Variants in ASAH1 observed in about 807,000 individuals in gnomAD.
ASAH1 encodes the protein N-acylsphingosine amidohydrolase 1.
In ASAH1, 70 loss-of-function variants were observed where a neutral mutation model predicts 59.5. That is an observed-to-expected ratio of 1.18 (90% CI 0.97 to 1.43). ASAH1 has a LOEUF of 1.43. Among genes scored for constraint, ASAH1 ranks in the 40% most tolerant of loss-of-function variants. ASAH1 has a pLI of 0.00. For synonymous variants in ASAH1, 213 were observed against 166.5 expected (o/e 1.28, Z -2.15); for missense variants, 660 against 482.5 (o/e 1.37, Z -3.45).
chr8:18,074,175 G>A (rs1800293671), intron 2 of ASAH1, among the ~76,000 whole-genome samples: 1 of 152,174 alleles, frequency 6.6e-6, no homozygotes, highest in African/African-American at 2.4e-5. Flanking sequence ...GGGGCAGTGA[G>A]ACCAACAGAG....
chr8:18,064,611 T>C, intron 5 of ASAH1, 80 bp from the exon 6 acceptor site: 1 of 840,902 alleles, frequency 1.2e-6, no homozygotes, highest in Non-Finnish European at 1.9e-6. Context: ...AAAGTTTCAG[T>C]GTTTTCATTG....
intron 5 of ASAH1, chr8:18,064,894 C>T: frequency 5.5e-6 from 1 of 180,884 alleles, no homozygotes; most frequent in South Asian, 1.4e-4. Context: ...ATATATTTTG[C>T]CCAGATTTTT....
At position 18,061,259 on chromosome 8, in the gene ASAH1, C is replaced by T. The variant is rs10503609; in HGVS notation, c.785+118G>A. On this transcript the variant is annotated intron_variant, in intron 10 of 13. Coordinates refer to ENST00000637790, the MANE Select transcript of ASAH1 (RefSeq NM_177924.5). ...TTCCACATGAGTGTCAGAGGTTCAC[C>T]TAAGAAATTCTGCAATAGTTCCTCA... The T allele has an allele frequency of 0.36, 316,410 of 880,940 alleles. 59,549 individuals carry two copies. The highest frequency in any genetic ancestry group is 0.5 in the Admixed American group (22,697 of 44,966). 54.6% of individuals were successfully genotyped at this position (880,940 alleles called of 1,614,324 possible). A position where few individuals can be genotyped will look rare whatever the true frequency, so the allele number is the denominator to read the frequency against.
rs878918679 is a variant in ASAH1, at chr8:18,057,363, A to G, written c.*171T>C. On this transcript the variant is annotated 3_prime_UTR_variant, in exon 14 of 14. Coordinates refer to ENST00000637790, the MANE Select transcript of ASAH1 (RefSeq NM_177924.5). Reference sequence around the variant, plus strand: ...ATAAGAAAAATCAACTGATAGGGGGAAAAAAAAAAGATCTGTCATTTGTCA... The same window carrying G: ...ATAAGAAAAATCAACTGATAGGGGGGAAAAAAAAAGATCTGTCATTTGTCA... The G allele has an allele frequency of 1.7e-5, 5 of 294,492 alleles. No homozygotes were observed. The highest frequency in any genetic ancestry group is 1.0e-4 in the South Asian group (3 of 29,214). 18.2% of individuals were successfully genotyped at this position (294,492 alleles called of 1,614,324 possible). A position where few individuals can be genotyped will look rare whatever the true frequency, so the allele number is the denominator to read the frequency against.
intron 4 of ASAH1, 147 bp from the exon 5 acceptor site, chr8:18,067,445 G>C (rs1381963118): frequency 8.0e-6 from 3 of 377,130 alleles, no homozygotes; most frequent in East Asian, 5.9e-5. Flanking sequence ...CATAATAAGT[G>C]ATAGGAATTA....
intron 4 of ASAH1, among the ~76,000 whole-genome samples, chr8:18,069,067 G>A (rs921737511): frequency 6.6e-6 from 1 of 150,942 alleles, no homozygotes; most frequent in African/African-American, 2.4e-5. Flanking sequence ...CTTGAGCCTG[G>A]GAGATCAAGG....
At chr8:18,064,342 C>T in intron 6 of ASAH1, 115 bp downstream of exon 6, 1 of 819,782 alleles carries the variant, frequency 1.2e-6, no homozygotes, top group Non-Finnish European at 2.0e-6. Flanking sequence ...AAGCTGTATG[C>T]AACATACACA....
At chr8:18,081,649 G>T (rs1239652968) in intron 1 of ASAH1, among the ~76,000 whole-genome samples, 2 of 152,174 alleles carry the variant, frequency 1.3e-5, no homozygotes, top group African/African-American at 2.4e-5. Flanking sequence ...ATTGTGAAAA[G>T]CCTCAAAAAC....
chr8:18,081,092 C>T (rs927381595), intron 1 of ASAH1, among the ~76,000 whole-genome samples: 1 of 152,112 alleles, frequency 6.6e-6, no homozygotes, highest in African/African-American at 2.4e-5. Context: ...ATTTAACATA[C>T]ACCCCAAATG....
In ASAH1 at chr8:18,059,111, T is replaced by C. The variant is rs147494924; in HGVS notation, c.1042-220A>G. 20 of 716,636 alleles carry C rather than the reference T, an allele frequency of 2.8e-5. No individual in the cohort carries two copies. In the East Asian group the frequency reaches 5.1e-4, roughly 18 times the overall value. The allele number at this position is 716,636 out of a possible 1,614,324, so 44.4% of individuals were successfully genotyped here. On this transcript the variant is annotated intron_variant, in intron 12 of 13. Transcript: ENST00000637790. ...CCCCTTTTTTAAATTCTTGCCTGTT[T>C]GTTATTCAACTTCAGAGTGGTATCC...
upstream of ASAH1, chr8:18,084,497 G>A: frequency 7.5e-7 from 1 of 1,326,354 alleles, no homozygotes; most frequent in African/African-American, 1.5e-5. Context: ...CGGATCCAAA[G>A]AGTCTCAACA....
intron 1 of ASAH1, 21 bp downstream of exon 1, chr8:18,083,960 C>A: frequency 6.3e-7 from 1 of 1,595,402 alleles, no homozygotes; most frequent in Non-Finnish European, 8.5e-7. Flanking sequence ...CCTCTCTGCG[C>A]CTCGGCTCAA....
At chr8:18,065,165 G>C (rs550514506) in intron 5 of ASAH1, 1 of 150,736 alleles carries the variant, frequency 6.6e-6, no homozygotes, top group Admixed American at 6.6e-5. Flanking sequence ...TTTCTAATTT[G>C]GTGAAATTCT....
At chr8:18,077,647 G>A (rs1391871672) in intron 1 of ASAH1, among the ~76,000 whole-genome samples, 1 of 152,064 alleles carries the variant, frequency 6.6e-6, no homozygotes, top group East Asian at 1.9e-4. Context: ...CCAGGACAAG[G>A]GTTCTCAATG....
chr8:18,070,347 ACCAT>A lies in ASAH1; in HGVS notation c.217-473_217-470del, dbSNP rs374792025. On this transcript the variant is annotated intron_variant, in intron 3 of 13. Coordinates refer to ENST00000637790, the MANE Select transcript of ASAH1 (RefSeq NM_177924.5). The stretch of plus-strand genomic sequence containing the variant: ...GTATTTTTAGTAGAGACGGGGTTTC[ACCAT>A]CTTGGCCAGGCTGGTCTCGAACTCC... Among the ~76,000 whole-genome samples, 143 of 152,160 alleles carry A rather than the reference ACCAT, an allele frequency of 9.4e-4. 1 individual carries two copies. The South Asian group carries it at 0.029, about 31-fold the overall frequency.
At position 18,083,946 on chromosome 8, in the gene ASAH1, C is replaced by CA. The variant is rs1800773634; in HGVS notation, c.78+34_78+35insT. On this transcript the variant is annotated intron_variant, in intron 1 of 13. Transcript: ENST00000637790. ...GCCTCCATCCGCGCCCGCACCTGCA[C>CA]GCCCCTCTCTGCGCCTCGGCTCAAG... 1.9e-6 allele frequency: 3 copies of CA among 1,588,004 alleles called. No individual in the cohort carries two copies. In the African/African-American group the frequency reaches 4.0e-5, roughly 21 times the overall value.
At position 18,084,072 on chromosome 8, in the gene ASAH1, A is replaced by C. The variant is rs1419420553; in HGVS notation, c.-14T>G. The stretch of plus-strand genomic sequence containing the variant: ...CCGGCCCGGCATCGCTCTAGCAGCC[A>C]ACGCCACTCCCCGGACTCCAGCAGA... On this transcript the variant is annotated 5_prime_UTR_variant, in exon 1 of 14. Coordinates refer to ENST00000637790, the MANE Select transcript of ASAH1 (RefSeq NM_177924.5). 4.4e-6 allele frequency: 7 copies of C among 1,598,288 alleles called. No individual in the cohort carries two copies. The highest frequency in any genetic ancestry group is 5.1e-6 in the Non-Finnish European group (6 of 1,179,642).
chr8:18,062,196 T>C, intron 8 of ASAH1, 83 bp downstream of exon 8: 8 of 1,584,460 alleles, frequency 5.0e-6, no homozygotes, highest in Non-Finnish European at 6.1e-6. Flanking sequence ...CTTTAGGTCC[T>C]CATATTCTTA....
chr8:18,078,365 G>C (rs1373878868), intron 1 of ASAH1, among the ~76,000 whole-genome samples: 1 of 152,194 alleles, frequency 6.6e-6, no homozygotes, highest in African/African-American at 2.4e-5. Context: ...GAGTGAGTCT[G>C]AGGTTGATAA....
Sources: gnomAD v4.1 joint callset for allele counts (sites outside exome capture counted in the v4.1 genomes callset) on GRCh38, gnomAD v4.1.1 for gene constraint, MANE v1.5 for transcripts, NCBI Gene and HGNC (gene_info 2026-07-23, HGNC 2026-07-21) for gene names.